The following HDAC2 variants were observed in gnomAD, a reference collection of about 807,000 sequenced individuals.
The protein encoded by HDAC2 is YY1-associated factor 1.
HDAC2 carries 5 observed loss-of-function variants against 68.5 expected under a neutral mutation model. That is an observed-to-expected ratio of 0.07 (90% CI 0.04 to 0.15). HDAC2 has a LOEUF of 0.15. Ranked by LOEUF, HDAC2 falls within the 10% of genes least tolerant of loss-of-function variation. The pLI is 1.00. For missense variants in HDAC2, 291 were observed against 600.8 expected (o/e 0.48, Z 5.39); for synonymous variants, 182 against 191.3 (o/e 0.95, Z 0.40).
Position 113,944,372 on chromosome 6 carries a change from G to A in HDAC2, c.1130C>T (p.Ala377Val), listed in dbSNP as rs1776219133. The A allele has an allele frequency of 1.2e-6, 2 of 1,613,058 alleles. No individual in the cohort carries two copies. The highest frequency in any genetic ancestry group is 8.5e-7 in the Non-Finnish European group (1 of 1,179,050). Residue 377 changes from alanine (A) to valine (V), a missense_variant, in exon 11 of 14, where the codon GCA (alanine) becomes GTA (valine). Around this residue, in one of 2 missense-constraint regions of HDAC2, gnomAD observed 154 missense variants for 472.1 expected, o/e 0.33. Coordinates refer to ENST00000519065, the MANE Select transcript of HDAC2 (RefSeq NM_001527.4). ...AATAGCTTGCATCTGGACACCAGGT[G>A]CATGAGGTAACATGCGCAAATTTTC... ...LFENLRMLPH[A>V]PGVQMQAIPE...
chr6:113,951,472 T>G (rs1249294314), intron 6 of HDAC2, among the ~76,000 whole-genome samples: 1 of 21,994 alleles, frequency 4.5e-5, no homozygotes, highest in African/African-American at 3.9e-4. Context: ...TGTAAAATCT[T>G]TTTTTTTTTT....
chr6:113,933,700 A>C lies in HDAC2; in HGVS notation c.*7358T>G, dbSNP rs976921395. On this transcript the variant is annotated 3_prime_UTR_variant, in exon 14 of 14. Coordinates refer to ENST00000519065, the MANE Select transcript of HDAC2 (RefSeq NM_001527.4). ...AAACCCTTGCCCTTATGAAACTCTT[A>C]ATCCAGTGAAAGTAAGCAGAATGGT... 1 of 152,028 alleles carries C rather than the reference A, an allele frequency of 6.6e-6. No homozygotes were observed. The highest frequency in any genetic ancestry group is 2.4e-5 in the African/African-American group (1 of 41,390). The allele number at this position is 152,028 out of a possible 1,614,324, so 9.4% of individuals were successfully genotyped here. A position where few individuals can be genotyped will look rare whatever the true frequency, so the allele number is the denominator to read the frequency against.
rs1299383931 is a variant in HDAC2, at chr6:113,941,694, G to A, written c.1436+14C>T. ...ATAGTATGTAAAAAGTACTTGATAA[G>A]GAACATCATTTACCCTTTGGTATCT... On this transcript the variant is annotated intron_variant, in intron 13 of 13. Coordinates refer to ENST00000519065, the MANE Select transcript of HDAC2 (RefSeq NM_001527.4). The A allele has an allele frequency of 2.5e-6, 3 of 1,220,368 alleles. No individual in the cohort carries two copies. Among genetic ancestry groups the A allele is most frequent in the Admixed American group, 4.2e-5 (2 of 47,706 alleles). 75.6% of individuals were successfully genotyped at this position (1,220,368 alleles called of 1,614,324 possible).
intron 10 of HDAC2, among the ~76,000 whole-genome samples, chr6:113,944,974 A>G (rs1776234120): frequency 6.6e-6 from 1 of 152,178 alleles, no homozygotes; most frequent in Admixed American, 6.5e-5. Context: ...GTTCCAGACA[A>G]TGAAAATAAC....
chr6:113,941,369 A>T (rs1464031126), intron 13 of HDAC2, among the ~76,000 whole-genome samples: 1 of 152,126 alleles, frequency 6.6e-6, no homozygotes, highest in African/African-American at 2.4e-5. Context: ...ATTGTTTCTT[A>T]AATTTACCTA....
intron 12 of HDAC2, among the ~76,000 whole-genome samples, chr6:113,942,773 T>A (rs1349407574): frequency 6.6e-6 from 1 of 152,178 alleles, no homozygotes; most frequent in East Asian, 1.9e-4. Flanking sequence ...CGGTAGCAAA[T>A]TCAATTGCCT....
At chr6:113,947,010 T>A (rs1275911734) in intron 8 of HDAC2, 1 of 152,156 alleles carries the variant, frequency 6.6e-6, no homozygotes, top group Non-Finnish European at 1.5e-5. Context: ...TCTGTTCTCT[T>A]CATGTAACTG....
Position 113,937,839 on chromosome 6 carries a change from T to A in HDAC2, c.*3219A>T, listed in dbSNP as rs1286959090. ...CACACTCCATCCTGGGTGACCGAGA[T>A]CCTTTCTCTAAAAAAAAGAGATAAA... On this transcript the variant is annotated 3_prime_UTR_variant, in exon 14 of 14. Coordinates refer to ENST00000519065, the MANE Select transcript of HDAC2 (RefSeq NM_001527.4). The A allele has an allele frequency of 6.6e-6, 1 of 151,862 alleles. No individual in the cohort carries two copies. The highest frequency in any genetic ancestry group is 1.9e-4 in the East Asian group (1 of 5,156). 9.4% of individuals were successfully genotyped at this position (151,862 alleles called of 1,614,324 possible). A position where few individuals can be genotyped will look rare whatever the true frequency, so the allele number is the denominator to read the frequency against.
At chr6:113,958,276 C>T (rs1361601519) in intron 3 of HDAC2, among the ~76,000 whole-genome samples, 3 of 152,154 alleles carry the variant, frequency 2.0e-5, no homozygotes, top group Non-Finnish European at 4.4e-5. Context: ...AACTGAAGTA[C>T]ACAAAGACAA....
chr6:113,942,165 AACAG>A (rs1004929643), intron 12 of HDAC2, among the ~76,000 whole-genome samples: 29 of 152,206 alleles, frequency 1.9e-4, no homozygotes, highest in African/African-American at 5.8e-4. Context: ...GAACACCAAA[AACAG>A]ACAGACAAGA....
At chr6:113,965,956 G>A (rs967059252) in intron 1 of HDAC2, among the ~76,000 whole-genome samples, 3 of 152,130 alleles carry the variant, frequency 2.0e-5, no homozygotes, top group Non-Finnish European at 4.4e-5. Context: ...TTTCCTTTAA[G>A]GACTTGTCAA....
At chr6:113,950,700 T>TG (rs34412922) in intron 6 of HDAC2, among the ~76,000 whole-genome samples, 11,186 of 61,980 alleles carry the variant, frequency 0.18, 601 homozygotes, top group African/African-American at 0.22. Context: ...CTGAGTGGGG[T>TG]GGGGGGGGGG....
intron 5 of HDAC2, among the ~76,000 whole-genome samples, chr6:113,954,392 TAA>T (rs371573824): frequency 1.3e-5 from 2 of 151,964 alleles, no homozygotes; most frequent in Non-Finnish European, 2.9e-5. Flanking sequence ...TTCACAAAAT[TAA>T]AAAAACAGAA....
intron 10 of HDAC2, 86 bp from the exon 11 acceptor site, chr6:113,944,496 T>C: frequency 8.7e-7 from 1 of 1,147,966 alleles, no homozygotes; most frequent in Middle Eastern, 2.0e-4. Flanking sequence ...GCAAAAAATT[T>C]CATCTTTGGT....
rs549334350 is a variant in HDAC2 at position 113,951,507 on chromosome 6, G to A, written c.639+1770C>T. Among the ~76,000 whole-genome samples, 3 of 138,076 alleles carry A rather than the reference G, an allele frequency of 2.2e-5. No individual in the cohort carries two copies. The South Asian group carries it at 6.7e-4, about 31-fold the overall frequency. The allele number at this position is 138,076 out of a possible 152,430, so 90.6% of individuals were successfully genotyped here. ...TTTTTTGGCTGAGTCTTGCTGTGTC[G>A]CCCAGGCTGGAGTGCAGTGGAGCGA... On this transcript the variant is annotated intron_variant, in intron 6 of 13. Coordinates refer to ENST00000519065, the MANE Select transcript of HDAC2 (RefSeq NM_001527.4).
At chr6:113,958,369 G>A in intron 3 of HDAC2, 1 of 250,820 alleles carries the variant, frequency 4.0e-6, no homozygotes, top group Non-Finnish European at 7.5e-6. Context: ...GAGTAAGGGA[G>A]TGAGGTCTCC....
rs1180554958 is a variant in HDAC2 at position 113,936,531 on chromosome 6, C to T, written c.*4527G>A. ...ATTCGTATCCTTGCTAAAATCAGGT[C>T]TCCAAAAGATTGCTTCTCTATCCAC... On this transcript the variant is annotated 3_prime_UTR_variant, in exon 14 of 14. Transcript: ENST00000519065. 3.9e-5 allele frequency: 6 copies of T among 152,124 alleles called. No homozygotes were observed. The highest frequency in any genetic ancestry group is 1.4e-4 in the African/African-American group (6 of 41,430). 9.4% of individuals were successfully genotyped at this position (152,124 alleles called of 1,614,324 possible). A position where few individuals can be genotyped will look rare whatever the true frequency, so the allele number is the denominator to read the frequency against.
chr6:113,958,745 C>CG lies in HDAC2; in HGVS notation c.186dup (p.Glu63ArgfsTer9). The CG allele has an allele frequency of 6.2e-7, 1 of 1,606,544 alleles. No homozygotes were observed. The highest frequency in any genetic ancestry group is 8.5e-7 in the Non-Finnish European group (1 of 1,174,142). The stretch of plus-strand genomic sequence containing the variant: ...TCACTGTGATATTTTGTCATTTCTT[C>CG]GGCAGTGGCTTTATGGGGCCTCTGT... On this transcript the variant is annotated frameshift_variant, in exon 3 of 14. Coordinates refer to ENST00000519065, the MANE Select transcript of HDAC2 (RefSeq NM_001527.4). LOFTEE classifies it high-confidence loss of function.
At chr6:113,961,256 T>C (rs531799931) in intron 1 of HDAC2, among the ~76,000 whole-genome samples, 1 of 152,282 alleles carries the variant, frequency 6.6e-6, no homozygotes, top group Non-Finnish European at 1.5e-5. Context: ...CTTTTGTTTG[T>C]TTAATGGAAA....
Sources: gnomAD v4.1 joint callset for allele counts (sites outside exome capture counted in the v4.1 genomes callset) on GRCh38, gnomAD v4.1.1 for gene constraint, gnomAD v4.1.1 regional missense constraint, MANE v1.5 for transcripts, NCBI Gene and HGNC (gene_info 2026-07-23, HGNC 2026-07-21) for gene names.